Variants in WIPF3 observed in about 807,000 individuals in gnomAD.
The protein encoded by WIPF3 is WAS/WASL-interacting protein family member 3.
In WIPF3, 33 loss-of-function variants were observed where a neutral mutation model predicts 38.9. The ratio of observed to expected loss-of-function variants is 0.85; its 90% CI spans 0.64 to 1.14. The LOEUF (loss-of-function observed/expected upper bound fraction) is 1.14, where lower values mean the gene tolerates loss of function less well. Among genes scored for constraint, WIPF3 ranks in the 50% most tolerant of loss-of-function variants. The probability of loss-of-function intolerance (pLI) is 0.00; values close to 1 mark genes in which losing one functional copy is unlikely to be tolerated. For missense variants in WIPF3, 711 were observed against 652.5 expected, an observed-to-expected ratio of 1.09 and a Z score of -0.98; for synonymous variants, 324 against 269.3, an observed-to-expected ratio of 1.20 and a Z score of -1.99.
chr7:29,820,655 C>T (rs1279102193), intron 1 of WIPF3, among the ~76,000 whole-genome samples: 1 of 152,122 alleles, frequency 6.6e-6, no homozygotes, highest in African/African-American at 2.4e-5. Context: ...TCCACTTCTT[C>T]CCACCTCCCA....
chr7:29,914,730 T>C lies in WIPF3; in HGVS notation c.*214T>C, dbSNP rs944357867. 2 of 385,940 alleles carry C rather than the reference T, an allele frequency of 5.2e-6. No individual in the cohort carries two copies. The highest frequency in any genetic ancestry group is 2.1e-5 in the African/African-American group (1 of 47,552). 23.9% of individuals were successfully genotyped at this position (385,940 alleles called of 1,614,324 possible). On this transcript the variant is annotated 3_prime_UTR_variant, in exon 9 of 9. Coordinates refer to ENST00000242140, the MANE Select transcript of WIPF3 (RefSeq NM_001080529.3). ...TTTTAAAACACCCCTCATTTTTCCATTTTTTGCATTGCATCTTGGCATTTG... is the reference window on the plus strand; with the variant it reads ...TTTTAAAACACCCCTCATTTTTCCACTTTTTGCATTGCATCTTGGCATTTG...
intron 2 of WIPF3, among the ~76,000 whole-genome samples, chr7:29,861,622 G>T (rs982092438): frequency 6.6e-6 from 1 of 152,164 alleles, no homozygotes; most frequent in African/African-American, 2.4e-5. Flanking sequence ...GTCCTCTAAA[G>T]AGCAGCAGCC....
At chr7:29,810,413 C>T (rs933379992) in intron 1 of WIPF3, among the ~76,000 whole-genome samples, 3 of 152,116 alleles carry the variant, frequency 2.0e-5, no homozygotes, top group African/African-American at 4.8e-5. Context: ...GAGGGGTACT[C>T]CCTAAAGGTT....
chr7:29,875,060 G>A (rs563380309), intron 2 of WIPF3, among the ~76,000 whole-genome samples: 4 of 152,202 alleles, frequency 2.6e-5, no homozygotes, highest in East Asian at 3.9e-4. Context: ...AAACGCACAA[G>A]GTCTTGTGAG....
intron 2 of WIPF3, among the ~76,000 whole-genome samples, chr7:29,847,005 C>T (rs1785011455): frequency 6.6e-6 from 1 of 152,138 alleles, no homozygotes; most frequent in Non-Finnish European, 1.5e-5. Flanking sequence ...GTACATTGCT[C>T]CTAGAATGGA....
chr7:29,882,763 G>A (rs893386427), intron 4 of WIPF3, among the ~76,000 whole-genome samples: 1 of 152,198 alleles, frequency 6.6e-6, no homozygotes, highest in Non-Finnish European at 1.5e-5. Flanking sequence ...AGTAGTGGGT[G>A]TGAGAAAACA....
At chr7:29,873,068 C>G (rs6963960) in intron 2 of WIPF3, among the ~76,000 whole-genome samples, 21,584 of 152,106 alleles carry the variant, frequency 0.14, 1,705 homozygotes, top group African/African-American at 0.21. Context: ...AAGTTAAAAT[C>G]ATCATTTTAA....
chr7:29,838,841 A>T (rs1048178260), intron 2 of WIPF3, among the ~76,000 whole-genome samples: 2 of 152,232 alleles, frequency 1.3e-5, no homozygotes, highest in African/African-American at 4.8e-5. Context: ...GAATGGATTG[A>T]TAAAATGTGT....
rs570323678 is a variant in WIPF3, at chr7:29,915,158, C to A, written c.*642C>A. 1.4e-5 allele frequency: 2 copies of A among 147,034 alleles called. No homozygotes were observed. The highest frequency in any genetic ancestry group is 4.3e-4 in the South Asian group (2 of 4,638). The allele number at this position is 147,034 out of a possible 1,614,324, so 9.1% of individuals were successfully genotyped here. A position where few individuals can be genotyped will look rare whatever the true frequency, so the allele number is the denominator to read the frequency against. On this transcript the variant is annotated 3_prime_UTR_variant, in exon 9 of 9. Transcript: ENST00000242140. ...TAAAGGCAAGAGTGGGCTTGGCCCT[C>A]CGATGCCAACCACAGGGCCCCTTTT...
intron 2 of WIPF3, among the ~76,000 whole-genome samples, chr7:29,857,461 A>G (rs1028239148): frequency 6.6e-6 from 1 of 152,112 alleles, no homozygotes; most frequent in Admixed American, 6.5e-5. Context: ...TTTCCATAGT[A>G]CTTGGCTTCT....
intron 8 of WIPF3, 78 bp from the exon 9 acceptor site, chr7:29,914,415 G>C (rs908762048): frequency 1.8e-6 from 2 of 1,124,716 alleles, no homozygotes; most frequent in East Asian, 3.0e-5. Context: ...CAGCCTGTTT[G>C]GGGGGGTGGA....
intron 2 of WIPF3, among the ~76,000 whole-genome samples, chr7:29,838,705 A>G (rs1784860314): frequency 1.3e-5 from 2 of 152,196 alleles, no homozygotes; most frequent in African/African-American, 4.8e-5. Flanking sequence ...ACAGTTAAAC[A>G]TGTGCATCCT....
chr7:29,862,102 C>T (rs1002976019), intron 2 of WIPF3, among the ~76,000 whole-genome samples: 3 of 152,124 alleles, frequency 2.0e-5, no homozygotes, highest in Admixed American at 6.5e-5. Flanking sequence ...CATTCTGGCA[C>T]TCCATGGTGT....
At chr7:29,874,414 T>G (rs1785550706) in intron 2 of WIPF3, among the ~76,000 whole-genome samples, 1 of 152,062 alleles carries the variant, frequency 6.6e-6, no homozygotes, top group Non-Finnish European at 1.5e-5. Context: ...TAATATAAAC[T>G]TATACCCTAT....
At chr7:29,817,486 T>A (rs1337696121) in intron 1 of WIPF3, among the ~76,000 whole-genome samples, 1 of 152,138 alleles carries the variant, frequency 6.6e-6, no homozygotes, top group Non-Finnish European at 1.5e-5. Flanking sequence ...TTTTTAGAAA[T>A]TAAAAATTTG....
intron 2 of WIPF3, among the ~76,000 whole-genome samples, chr7:29,846,715 CA>C (rs879679615): frequency 6.6e-6 from 1 of 152,120 alleles, no homozygotes; most frequent in South Asian, 2.1e-4. Flanking sequence ...AAACAAAAAT[CA>C]AAAAACAACA....
chr7:29,875,086 C>G (rs940694116), intron 2 of WIPF3, among the ~76,000 whole-genome samples: 2 of 152,114 alleles, frequency 1.3e-5, no homozygotes, highest in Non-Finnish European at 2.9e-5. Context: ...ATGTAACACA[C>G]CCAGGCACAG....
At chr7:29,812,783 G>C (rs931277901) in intron 1 of WIPF3, among the ~76,000 whole-genome samples, 1 of 152,178 alleles carries the variant, frequency 6.6e-6, no homozygotes, top group Non-Finnish European at 1.5e-5. Context: ...TCAGCCACCT[G>C]ACTGACTTCC....
At chr7:29,857,660 T>C (rs1785207523) in intron 2 of WIPF3, among the ~76,000 whole-genome samples, 1 of 152,228 alleles carries the variant, frequency 6.6e-6, no homozygotes, top group Non-Finnish European at 1.5e-5. Context: ...TCCTACCCAG[T>C]GACTTCTCCC....
Sources: allele counts gnomAD v4.1 joint callset (sites outside exome capture counted in the v4.1 genomes callset), GRCh38; gene constraint gnomAD v4.1.1; transcripts MANE v1.5; gene names NCBI Gene and HGNC (gene_info 2026-07-23, HGNC 2026-07-21).